Variants in SNRPN observed in about 807,000 individuals in gnomAD.
SNRPN encodes the protein small nuclear ribonucleoprotein polypeptide N, also known as small nuclear ribonucleoprotein-associated protein N.
Under a neutral mutation model 25.2 loss-of-function variants are expected in SNRPN, and 7 were observed. The observed-to-expected ratio is 0.28, with a 90% CI of 0.16 to 0.52. SNRPN has a LOEUF of 0.52. Ranked by LOEUF, SNRPN falls within the 20% of genes least tolerant of loss-of-function variation. The probability of loss-of-function intolerance (pLI) is 0.96; values close to 1 mark genes in which losing one functional copy is unlikely to be tolerated. For synonymous variants in SNRPN, 124 were observed against 110.6 expected, an observed-to-expected ratio of 1.12 and a Z score of -0.76; for missense variants, 196 against 322.5, an observed-to-expected ratio of 0.61 and a Z score of 3.00.
chr15:24,878,421 C>G (rs1394273349), intron 1 of SNRPN, among the ~76,000 whole-genome samples: 6 of 152,234 alleles, frequency 3.9e-5, no homozygotes, highest in Admixed American at 3.9e-4. Context: ...CGATCTTCGG[C>G]GCGCCTGCAC....
chr15:24,840,265 G>T (rs930705527), intron 2 of SNRPN, among the ~76,000 whole-genome samples: 36 of 152,298 alleles, frequency 2.4e-4, no homozygotes, highest in Non-Finnish European at 8.8e-5. Context: ...GGCTGAGACA[G>T]GAGAATTGCT....
chr15:24,848,258 G>GGGCGGCGGCGGGGGCGGGGGCGGT (rs71312669), intron 2 of SNRPN: 5 of 124,234 alleles, frequency 4.0e-5, no homozygotes, highest in Admixed American at 8.4e-5. Flanking sequence ...GCGGGGGCGG[G>GGGCGGCGGCGGGGGCGGGGGCGGT]GGCGGGGGCG....
At chr15:24,956,317 G>A (rs1454769942) in intron 1 of SNRPN, among the ~76,000 whole-genome samples, 3 of 148,432 alleles carry the variant, frequency 2.0e-5, no homozygotes, top group African/African-American at 4.9e-5. Context: ...CAAGATGGCC[G>A]CCGCTGCAGC....
chr15:24,949,493 A>T (rs2062100438), intron 3 of SNRPN, among the ~76,000 whole-genome samples: 1 of 149,156 alleles, frequency 6.7e-6, no homozygotes, highest in Non-Finnish European at 1.5e-5. Context: ...CTACAAAAAA[A>T]TAAAAAAATT....
At chr15:24,864,638 C>T (rs1298258689) in intron 1 of SNRPN, among the ~76,000 whole-genome samples, 1 of 139,554 alleles carries the variant, frequency 7.2e-6, no homozygotes, top group East Asian at 2.1e-4. Flanking sequence ...GCCACTGTGC[C>T]TGGCCAATGT....
At chr15:24,907,168 T>A (rs912200573) in intron 2 of SNRPN, among the ~76,000 whole-genome samples, 19 of 151,996 alleles carry the variant, frequency 1.3e-4, no homozygotes, top group Non-Finnish European at 2.4e-4. Context: ...AATGGATTGG[T>A]CTTAAATAGA....
chr15:24,940,624 G>C (rs1403606361), intron 3 of SNRPN, among the ~76,000 whole-genome samples: 2 of 152,090 alleles, frequency 1.3e-5, no homozygotes, highest in South Asian at 2.1e-4. Flanking sequence ...TTTCAAATGT[G>C]ACTTGTAGGA....
chr15:24,830,641 TAG>T (rs1241249902), intron 2 of SNRPN, among the ~76,000 whole-genome samples: 1 of 152,118 alleles, frequency 6.6e-6, no homozygotes, highest in Non-Finnish European at 1.5e-5. Context: ...CCTTTCAATT[TAG>T]TTCAAATTAT....
In SNRPN at chr15:24,838,958, C is replaced by T. The variant is rs553493429; in HGVS notation, c.-579+9053C>T. 7.2e-5 allele frequency among the ~76,000 whole-genome samples: 11 copies of T among 152,020 alleles called. No individual in the cohort carries two copies. In the East Asian group the frequency reaches 1.9e-3, roughly 27 times the overall value. On this transcript the variant is annotated intron_variant, in intron 2 of 12. Transcript: ENST00000400100. ...TTATGGTGGCCTGAACCACAAACCA[C>T]CCCCAAGAACATGCACTTTGAAGAG...
At chr15:24,833,336 T>G (rs1350780854) in intron 2 of SNRPN, among the ~76,000 whole-genome samples, 1 of 151,938 alleles carries the variant, frequency 6.6e-6, no homozygotes, top group Non-Finnish European at 1.5e-5. Flanking sequence ...AGTAGTAAAA[T>G]GTAAGCCCTT....
intron 2 of SNRPN, among the ~76,000 whole-genome samples, chr15:24,901,543 C>A (rs1028347267): frequency 6.6e-6 from 1 of 152,132 alleles, no homozygotes; most frequent in South Asian, 2.1e-4. Context: ...AGAATGTCAT[C>A]GTGTTCTACC....
intron 7 of SNRPN, among the ~76,000 whole-genome samples, chr15:24,977,521 T>TC (rs1413115030): frequency 3.3e-5 from 5 of 151,952 alleles, no homozygotes; most frequent in Admixed American, 3.3e-4. Flanking sequence ...GTGCCTGTAA[T>TC]CCCAGCTACC....
intron 2 of SNRPN, chr15:24,909,435 A>G: frequency 6.3e-7 from 1 of 1,591,514 alleles, no homozygotes; most frequent in South Asian, 1.1e-5. Context: ...TCCACAATGT[A>G]TTCATCGCCA....
At chr15:24,952,321 G>A (rs185594821), upstream of SNRPN, among the ~76,000 whole-genome samples, 208 of 152,210 alleles carry the variant, frequency 1.4e-3, 1 homozygote, top group South Asian at 0.024. Flanking sequence ...CAGTTTTAGT[G>A]TCCTTTAAGT....
intron 2 of SNRPN, among the ~76,000 whole-genome samples, chr15:24,843,991 T>C (rs893653959): frequency 2.7e-5 from 4 of 150,918 alleles, no homozygotes; most frequent in Non-Finnish European, 5.9e-5. Context: ...AAAAAACGTA[T>C]GATTCACTTT....
intron 2 of SNRPN, among the ~76,000 whole-genome samples, chr15:24,896,311 C>T (rs1036886367): frequency 6.6e-6 from 1 of 152,112 alleles, no homozygotes; most frequent in Non-Finnish European, 1.5e-5. Context: ...AAGAACCTGC[C>T]AATAGCATGT....
chr15:24,876,616 C>CAAAAA (rs397943017), intron 1 of SNRPN, among the ~76,000 whole-genome samples: 12 of 88,968 alleles, frequency 1.3e-4, no homozygotes, highest in Admixed American at 2.8e-4. Context: ...GACTCCATCT[C>CAAAAA]AAAAAAAAAA....
At chr15:24,840,282 C>T (rs1048927873) in intron 2 of SNRPN, among the ~76,000 whole-genome samples, 2 of 152,072 alleles carry the variant, frequency 1.3e-5, no homozygotes, top group Non-Finnish European at 2.9e-5. Flanking sequence ...TGCTTGAACC[C>T]GGGAGGCAGA....
At chr15:24,903,125 C>T (rs1324045866) in intron 2 of SNRPN, among the ~76,000 whole-genome samples, 1 of 152,212 alleles carries the variant, frequency 6.6e-6, no homozygotes, top group Non-Finnish European at 1.5e-5. Flanking sequence ...CCCAGAAGCC[C>T]AGCTGGCTTC....
Sources: gnomAD v4.1 joint callset for allele counts (sites outside exome capture counted in the v4.1 genomes callset) on GRCh38, gnomAD v4.1.1 for gene constraint, MANE v1.5 for transcripts, NCBI Gene and HGNC (gene_info 2026-07-23, HGNC 2026-07-21) for gene names.